Variants in LOXHD1 observed in about 807,000 individuals in gnomAD.
LOXHD1 encodes lipoxygenase homology domain-containing protein 1.
LOXHD1 carries 205 observed loss-of-function variants against 248.2 expected under a neutral mutation model. The ratio of observed to expected loss-of-function variants is 0.83; its 90% CI spans 0.74 to 0.93. LOXHD1 has a LOEUF of 0.93. Among genes scored for constraint, LOXHD1 ranks in the 40% least tolerant of loss-of-function variants. The probability of loss-of-function intolerance (pLI) is 0.00; values close to 1 mark genes in which losing one functional copy is unlikely to be tolerated. For missense variants in LOXHD1, 2,930 were observed against 2,971.6 expected (o/e 0.99, Z 0.33); for synonymous variants, 1,113 against 1,162.8 (o/e 0.96, Z 0.87).
At chr18:46,594,228 G>T (rs1417642543) in intron 9 of LOXHD1, 103 bp downstream of exon 9, 18 of 1,412,336 alleles carry the variant, frequency 1.3e-5, no homozygotes, top group Middle Eastern at 2.3e-4. Flanking sequence ...GACTTGAGAA[G>T]CAGGAGTGGA....
rs1296661265 is a variant in LOXHD1 at position 46,507,445 on chromosome 18, A to G, written c.5692+93T>C. 3 of 1,438,740 alleles carry G rather than the reference A, an allele frequency of 2.1e-6. No individual in the cohort carries two copies. In the African/African-American group the frequency reaches 4.3e-5, roughly 20 times the overall value. 89.1% of individuals were successfully genotyped at this position (1,438,740 alleles called of 1,614,324 possible). On this transcript the variant is annotated intron_variant, in intron 36 of 40. Coordinates refer to ENST00000642948, the MANE Select transcript of LOXHD1 (RefSeq NM_001384474.1). ...GACTAGATTTTGGAAGGCCTTATGAAGAAAAATGCCCTGACCAGAAACAAG... is the reference window on the plus strand; with the variant it reads ...GACTAGATTTTGGAAGGCCTTATGAGGAAAAATGCCCTGACCAGAAACAAG...
chr18:46,610,729 C>T (rs775560631), intron 6 of LOXHD1, 47 bp downstream of exon 6: 9 of 1,501,616 alleles, frequency 6.0e-6, no homozygotes, highest in Admixed American at 2.3e-5. Flanking sequence ...AACAAGAAGG[C>T]CCCCCTTCCA....
intron 39 of LOXHD1, 117 bp downstream of exon 39, chr18:46,484,902 A>G (rs1568073863): frequency 1.4e-5 from 17 of 1,251,012 alleles, no homozygotes; most frequent in Admixed American, 4.6e-5. Flanking sequence ...GTGCTCAGTA[A>G]GTACTTGCTG....
intron 1 of LOXHD1, among the ~76,000 whole-genome samples, chr18:46,649,964 T>C (rs985654811): frequency 6.6e-6 from 1 of 151,844 alleles, no homozygotes; most frequent in Non-Finnish European, 1.5e-5. Flanking sequence ...CAGGATGCAA[T>C]AGAGATATTA....
At chr18:46,586,938 G>A (rs1408215138) in intron 12 of LOXHD1, among the ~76,000 whole-genome samples, 1 of 152,170 alleles carries the variant, frequency 6.6e-6, no homozygotes, top group Non-Finnish European at 1.5e-5. Flanking sequence ...AAACATATGA[G>A]TACACAAAGA....
intron 8 of LOXHD1, among the ~76,000 whole-genome samples, chr18:46,595,314 A>G (rs2038240707): frequency 6.6e-6 from 1 of 152,204 alleles, no homozygotes; most frequent in Non-Finnish European, 1.5e-5. Context: ...AAGGATGCTA[A>G]GAGATGGTGG....
At chr18:46,480,879 TG>T (rs2032503535) in intron 40 of LOXHD1, among the ~76,000 whole-genome samples, 1 of 152,324 alleles carries the variant, frequency 6.6e-6, no homozygotes, top group Admixed American at 6.5e-5. Flanking sequence ...TTTATGGTTG[TG>T]TATTAGATAT....
rs2036166095 is a variant in LOXHD1 at position 46,533,457 on chromosome 18, G to C, written c.4213-133C>G. The C allele has an allele frequency of 3.4e-6, 3 of 889,466 alleles. No homozygotes were observed. In the African/African-American group the frequency reaches 5.1e-5, roughly 15 times the overall value. The allele number at this position is 889,466 out of a possible 1,614,324, so 55.1% of individuals were successfully genotyped here. A position where few individuals can be genotyped will look rare whatever the true frequency, so the allele number is the denominator to read the frequency against. On this transcript the variant is annotated intron_variant, in intron 27 of 40. Coordinates refer to ENST00000642948, the MANE Select transcript of LOXHD1 (RefSeq NM_001384474.1). ...CCCATAAATAATGTAAAAGCCACAG[G>C]AGAGCCCCTTGCCCCAATTTCAGTA... is the stretch of plus-strand genomic sequence containing the variant.
intron 33 of LOXHD1, chr18:46,520,417 G>A (rs562731329): frequency 3.0e-4 from 122 of 407,290 alleles, no homozygotes; most frequent in African/African-American, 2.0e-3. Flanking sequence ...GAAACCCACA[G>A]GGTCAGGTGA....
At chr18:46,579,137 G>A (rs569473639) in intron 13 of LOXHD1, among the ~76,000 whole-genome samples, 7 of 152,298 alleles carry the variant, frequency 4.6e-5, no homozygotes, top group Non-Finnish European at 7.3e-5. Flanking sequence ...CATGCCATAG[G>A]GGAGAATGCC....
intron 21 of LOXHD1, chr18:46,555,127 T>A: frequency 2.1e-6 from 1 of 471,166 alleles, no homozygotes; most frequent in Non-Finnish European, 4.4e-6. Context: ...TTACTAACCC[T>A]GATGGAGCTG....
chr18:46,646,333 T>C (rs1235732046), intron 2 of LOXHD1, among the ~76,000 whole-genome samples: 1 of 152,194 alleles, frequency 6.6e-6, no homozygotes, highest in Non-Finnish European at 1.5e-5. Context: ...CTGGGTTGCA[T>C]GGGCAGCCTG....
At chr18:46,641,871 A>G (rs775869878) in intron 3 of LOXHD1, 85 bp downstream of exon 3, 43 of 1,341,664 alleles carry the variant, frequency 3.2e-5, no homozygotes, top group Non-Finnish European at 3.9e-5. Context: ...CTGGGAAGTA[A>G]TTCATACCCA....
intron 23 of LOXHD1, chr18:46,544,976 C>G: frequency 2.1e-6 from 1 of 486,506 alleles, no homozygotes; most frequent in Non-Finnish European, 4.2e-6. Flanking sequence ...CTCTGAGTAC[C>G]TGAGCAAAGG....
chr18:46,619,753 G>T (rs562474482), intron 4 of LOXHD1, among the ~76,000 whole-genome samples: 3 of 152,360 alleles, frequency 2.0e-5, no homozygotes, highest in Non-Finnish European at 4.4e-5. Flanking sequence ...CACAGCCCCT[G>T]AAAGTTGGCC....
chr18:46,614,938 T>C (rs2038564332), intron 5 of LOXHD1, among the ~76,000 whole-genome samples: 1 of 152,160 alleles, frequency 6.6e-6, no homozygotes, highest in African/African-American at 2.4e-5. Flanking sequence ...GCCTGAACAA[T>C]CTTCTTGGTG....
At chr18:46,513,694 C>G (rs551645906) in intron 34 of LOXHD1, among the ~76,000 whole-genome samples, 2 of 152,294 alleles carry the variant, frequency 1.3e-5, no homozygotes, top group East Asian at 3.9e-4. Flanking sequence ...TGATTTCCAC[C>G]CACAGATTCT....
chr18:46,639,135 C>T (rs2038930395), intron 4 of LOXHD1, among the ~76,000 whole-genome samples: 1 of 152,214 alleles, frequency 6.6e-6, no homozygotes, highest in Non-Finnish European at 1.5e-5. Context: ...AGTTGTTTTA[C>T]TCCTCATAAA....
intron 13 of LOXHD1, among the ~76,000 whole-genome samples, chr18:46,578,880 G>A (rs1041650547): frequency 6.6e-6 from 1 of 152,188 alleles, no homozygotes; most frequent in Non-Finnish European, 1.5e-5. Context: ...CAGGCATGAG[G>A]AAACTGAGGC....
Sources: gnomAD v4.1 joint callset for allele counts (sites outside exome capture counted in the v4.1 genomes callset) on GRCh38, gnomAD v4.1.1 for gene constraint, MANE v1.5 for transcripts, NCBI Gene and HGNC (gene_info 2026-07-23, HGNC 2026-07-21) for gene names.